Variants in PIGU observed in about 807,000 individuals in gnomAD.
PIGU encodes the protein GPI-anchor transamidase component PIGU.
In PIGU, 24 loss-of-function variants were observed where a neutral mutation model predicts 49.9. The ratio of observed to expected loss-of-function variants is 0.48; its 90% CI spans 0.35 to 0.68. The LOEUF (loss-of-function observed/expected upper bound fraction) is 0.68, where lower values mean the gene tolerates loss of function less well. PIGU is among the 30% of genes least tolerant of loss of function. The pLI is 0.01. For missense variants in PIGU, 490 were observed against 532.6 expected, an observed-to-expected ratio of 0.92 and a Z score of 0.79; for synonymous variants, 220 against 205.7, an observed-to-expected ratio of 1.07 and a Z score of -0.59.
intron 1 of PIGU, 33 bp downstream of exon 1, chr20:34,676,923 G>A (rs908086074): frequency 6.4e-7 from 1 of 1,557,022 alleles, no homozygotes; most frequent in African/African-American, 1.4e-5. Context: ...GGGCAGGTGG[G>A]GCCTGACAGT....
chr20:34,645,620 G>T (rs1986318062), intron 2 of PIGU, among the ~76,000 whole-genome samples: 1 of 152,198 alleles, frequency 6.6e-6, no homozygotes, highest in Non-Finnish European at 1.5e-5. Flanking sequence ...CACTGGCCAG[G>T]TGCGGTGGCT....
chr20:34,571,273 G>A (rs1349094038), intron 11 of PIGU, among the ~76,000 whole-genome samples: 2 of 152,092 alleles, frequency 1.3e-5, no homozygotes, highest in African/African-American at 4.8e-5. Context: ...CATGCCACAG[G>A]CAGAAAAATA....
chr20:34,631,582 C>G (rs1354203833), intron 6 of PIGU, among the ~76,000 whole-genome samples: 1 of 145,382 alleles, frequency 6.9e-6, no homozygotes, highest in African/African-American at 2.5e-5. Context: ...GAGACAGAGT[C>G]TTGCTCTGTT....
At chr20:34,562,554 A>C (rs1667107258) in intron 11 of PIGU, 3 of 1,289,208 alleles carry the variant, frequency 2.3e-6, no homozygotes, top group Admixed American at 4.6e-5. Flanking sequence ...TTCTATCACC[A>C]CAGAAGCCCA....
At chr20:34,674,949 A>C (rs1390381841) in intron 1 of PIGU, among the ~76,000 whole-genome samples, 2 of 176 alleles carry the variant, frequency 0.011, no homozygotes, top group African/African-American at 0.021. Flanking sequence ...CTCTTGAAGA[A>C]AAAAAAAAAA....
chr20:34,628,561 T>C (rs1211529713), intron 6 of PIGU, among the ~76,000 whole-genome samples: 3 of 152,072 alleles, frequency 2.0e-5, no homozygotes, highest in East Asian at 1.9e-4. Flanking sequence ...TTAAAAATGA[T>C]AGACTAGAAC....
chr20:34,576,373 A>G (rs527374374), intron 10 of PIGU, among the ~76,000 whole-genome samples: 1 of 152,268 alleles, frequency 6.6e-6, no homozygotes, highest in African/African-American at 2.4e-5. Flanking sequence ...ATTCCCACAA[A>G]CTTAGTGATT....
intron 1 of PIGU, among the ~76,000 whole-genome samples, chr20:34,669,207 C>T (rs557843977): frequency 6.6e-6 from 1 of 152,102 alleles, no homozygotes; most frequent in East Asian, 1.9e-4. Flanking sequence ...ATCTTAACAA[C>T]TATGGTTTAG....
chr20:34,650,698 C>CTTTT lies in PIGU; in HGVS notation c.196-5365_196-5364insAAAA, dbSNP rs1568658806. On this transcript the variant is annotated intron_variant, in intron 2 of 11. Transcript: ENST00000217446. Reference sequence around the variant, plus strand: ...GTAATTTTTTTCCTTTTCTTTTTTTCTCTTTTTTTTTTTTTTTTTTTTTTT... The same window carrying CTTTT: ...GTAATTTTTTTCCTTTTCTTTTTTTCTTTTTCTTTTTTTTTTTTTTTTTTTTTTT... Among the ~76,000 whole-genome samples, 16 of 43,948 alleles carry CTTTT rather than the reference C, an allele frequency of 3.6e-4. 1 individual carries two copies. Among genetic ancestry groups the CTTTT allele is most frequent in the Non-Finnish European group, 9.6e-5 (2 of 20,802 alleles). The allele number at this position is 43,948 out of a possible 152,430, so 28.8% of individuals were successfully genotyped here. A position where few individuals can be genotyped will look rare whatever the true frequency, so the allele number is the denominator to read the frequency against.
In PIGU at chr20:34,668,638, G is replaced by A. The variant is rs890834718; in HGVS notation, c.130+8318C>T. Among the ~76,000 whole-genome samples, 22 of 137,806 alleles carry A rather than the reference G, an allele frequency of 1.6e-4. No individual in the cohort carries two copies. The East Asian group carries it at 3.1e-3, about 20-fold the overall frequency. The allele number at this position is 137,806 out of a possible 152,430, so 90.4% of individuals were successfully genotyped here. Reference sequence around the variant, plus strand: ...TAAGAAATTAGCCAGGCGAGGTGGCGGGCACCTGTAGTCCCAGCTACTCGG... The same window carrying A: ...TAAGAAATTAGCCAGGCGAGGTGGCAGGCACCTGTAGTCCCAGCTACTCGG... On this transcript the variant is annotated intron_variant, in intron 1 of 11. Coordinates refer to ENST00000217446, the MANE Select transcript of PIGU (RefSeq NM_080476.5).
intron 2 of PIGU, among the ~76,000 whole-genome samples, chr20:34,645,701 C>T (rs1333623274): frequency 6.6e-6 from 1 of 152,100 alleles, no homozygotes; most frequent in African/African-American, 2.4e-5. Flanking sequence ...GGAGACCATC[C>T]TGGCTAACAC....
chr20:34,650,690 CT>C (rs1986505936), intron 2 of PIGU, among the ~76,000 whole-genome samples: 1 of 80,176 alleles, frequency 1.2e-5, no homozygotes, highest in African/African-American at 4.7e-5. Flanking sequence ...TTTTCCTTTT[CT>C]TTTTTTCTCT....
At chr20:34,574,002 C>A (rs1013548439) in intron 11 of PIGU, among the ~76,000 whole-genome samples, 6 of 152,252 alleles carry the variant, frequency 3.9e-5, no homozygotes, top group African/African-American at 1.4e-4. Context: ...GCAAGAATTA[C>A]CCTGGGGATT....
intron 5 of PIGU, among the ~76,000 whole-genome samples, chr20:34,636,642 A>G (rs1052299131): frequency 1.3e-5 from 2 of 152,236 alleles, no homozygotes; most frequent in African/African-American, 4.8e-5. Flanking sequence ...ACAGCACTAT[A>G]GTAATCAGCT....
chr20:34,571,624 C>T lies in PIGU; in HGVS notation c.1194+3480G>A, dbSNP rs117432785. 3.9e-5 allele frequency among the ~76,000 whole-genome samples: 6 copies of T among 152,228 alleles called. No individual in the cohort carries two copies. In the South Asian group the frequency reaches 1.0e-3, roughly 26 times the overall value. Reference sequence around the variant, plus strand: ...GAACTGAGAACATGTCCCCAAATCCCGTACGTCTCGATGGAAGACACAGAA... The same window carrying T: ...GAACTGAGAACATGTCCCCAAATCCTGTACGTCTCGATGGAAGACACAGAA... On this transcript the variant is annotated intron_variant, in intron 11 of 11. Transcript: ENST00000217446.
chr20:34,592,164 G>A (rs1334309746), intron 7 of PIGU, among the ~76,000 whole-genome samples: 1 of 150,984 alleles, frequency 6.6e-6, no homozygotes, highest in African/African-American at 2.4e-5. Context: ...ACTCGAGCCT[G>A]GGTGACACAG....
chr20:34,676,336 C>T (rs944035238), intron 1 of PIGU, among the ~76,000 whole-genome samples: 2 of 152,176 alleles, frequency 1.3e-5, no homozygotes, highest in African/African-American at 2.4e-5. Flanking sequence ...ATTATTATAA[C>T]GATTTGTCTC....
chr20:34,646,320 G>C (rs1461333763), intron 2 of PIGU, among the ~76,000 whole-genome samples: 1 of 152,124 alleles, frequency 6.6e-6, no homozygotes, highest in Admixed American at 6.6e-5. Context: ...CAAGCTTACT[G>C]ACAAAATTGT....
chr20:34,562,577 A>AAC (rs1257116248), intron 11 of PIGU: 3 of 1,287,720 alleles, frequency 2.3e-6, no homozygotes, highest in Non-Finnish European at 3.0e-6. Context: ...TGGAAGGTTG[A>AAC]ACAATCCTCA....
Sources: gnomAD v4.1 joint callset for allele counts (sites outside exome capture counted in the v4.1 genomes callset) on GRCh38, gnomAD v4.1.1 for gene constraint, MANE v1.5 for transcripts, NCBI Gene and HGNC (gene_info 2026-07-23, HGNC 2026-07-21) for gene names.